The following SHISA9 variants were observed in gnomAD, a reference collection of about 807,000 sequenced individuals.
SHISA9 encodes shisa family member 9.
A neutral mutation model predicts 38.0 loss-of-function variants in SHISA9; 13 were observed. That is an observed-to-expected ratio of 0.34 (90% CI 0.22 to 0.54). SHISA9 has a LOEUF of 0.54. Among genes scored for constraint, SHISA9 ranks in the 20% least tolerant of loss-of-function variants. The pLI, the probability that SHISA9 is intolerant of heterozygous loss-of-function variation, is 0.91. For missense variants in SHISA9, 538 were observed against 575.8 expected (o/e 0.93, Z 0.67); for synonymous variants, 275 against 242.0 (o/e 1.14, Z -1.27).
intron 2 of SHISA9, among the ~76,000 whole-genome samples, chr16:13,031,602 C>T (rs2141877683): frequency 6.6e-6 from 1 of 151,918 alleles, no homozygotes; most frequent in Non-Finnish European, 1.5e-5. Flanking sequence ...GTATGAAAAG[C>T]ATGTGAGCAC....
the SHISA9 span, among the ~76,000 whole-genome samples, chr16:13,562,291 C>G: frequency 1.3e-5 from 2 of 152,104 alleles, no homozygotes; most frequent in Non-Finnish European, 2.9e-5. Flanking sequence ...GATACAGTGG[C>G]CTGATTTAGT....
At chr16:13,098,348 C>G (rs371104663) in intron 2 of SHISA9, among the ~76,000 whole-genome samples, 2 of 152,190 alleles carry the variant, frequency 1.3e-5, no homozygotes, top group African/African-American at 4.8e-5. Flanking sequence ...TAAATGCCAG[C>G]TCTTACAGTT....
intron 2 of SHISA9, among the ~76,000 whole-genome samples, chr16:13,120,332 T>A (rs145427512): frequency 4.5e-4 from 69 of 152,144 alleles, no homozygotes; most frequent in African/African-American, 1.6e-3. Flanking sequence ...AAGGACCTGT[T>A]ACCAGGGGAC....
At chr16:12,960,385 A>C (rs2071893002) in intron 2 of SHISA9, among the ~76,000 whole-genome samples, 1 of 152,286 alleles carries the variant, frequency 6.6e-6, no homozygotes, top group Non-Finnish European at 1.5e-5. Flanking sequence ...AGAACTGGAA[A>C]TACCATTTGA....
At chr16:13,469,316 G>GAAAGAAAGAAAGAAAGAAAGAAAGAA in the SHISA9 span, among the ~76,000 whole-genome samples, 69 of 53,612 alleles carry the variant, frequency 1.3e-3, 2 homozygotes, top group Admixed American at 2.8e-3. Context: ...GAGAGAGAGA[G>GAAAGAAAGAAAGAAAGAAAGAAAGAA]AGAGAGAAAG....
chr16:13,223,868 A>T (rs1285727981), intron 4 of SHISA9, among the ~76,000 whole-genome samples: 1 of 152,206 alleles, frequency 6.6e-6, no homozygotes, highest in Non-Finnish European at 1.5e-5. Context: ...GGCAATGTAG[A>T]ATGCCTACAT....
At chr16:13,303,758 C>CA in the SHISA9 span, among the ~76,000 whole-genome samples, 1 of 151,966 alleles carries the variant, frequency 6.6e-6, no homozygotes, top group East Asian at 1.9e-4. Context: ...TGCATTTTAC[C>CA]AAATTTTTAA....
chr16:13,173,462 T>C (rs1268326580), intron 2 of SHISA9, among the ~76,000 whole-genome samples: 2 of 66,174 alleles, frequency 3.0e-5, no homozygotes, highest in African/African-American at 1.5e-4. Flanking sequence ...TTCCAGGACC[T>C]GTGCTGATAA....
At chr16:13,292,506 T>G in the SHISA9 span, among the ~76,000 whole-genome samples, 1 of 152,186 alleles carries the variant, frequency 6.6e-6, no homozygotes, top group Non-Finnish European at 1.5e-5. Flanking sequence ...ATTTTTGTTT[T>G]TCATCTTTTC....
At chr16:13,466,194 A>C in the SHISA9 span, among the ~76,000 whole-genome samples, 1 of 152,252 alleles carries the variant, frequency 6.6e-6, no homozygotes, top group Non-Finnish European at 1.5e-5. Flanking sequence ...CAATGATCCC[A>C]TTGAACTGGG....
At chr16:13,357,855 A>T in the SHISA9 span, among the ~76,000 whole-genome samples, 1 of 152,056 alleles carries the variant, frequency 6.6e-6, no homozygotes, top group South Asian at 2.1e-4. Flanking sequence ...ATGAGCCAGG[A>T]AAAGGACTTT....
chr16:13,418,689 C>T, the SHISA9 span, among the ~76,000 whole-genome samples: 347 of 152,268 alleles, frequency 2.3e-3, 2 homozygotes, highest in African/African-American at 8.2e-3. Context: ...GGCAAAGCAG[C>T]AAAGAGATGG....
intron 2 of SHISA9, among the ~76,000 whole-genome samples, chr16:13,053,501 A>C (rs185089280): frequency 6.6e-6 from 1 of 152,276 alleles, no homozygotes; most frequent in East Asian, 1.9e-4. Flanking sequence ...AAATAATGCA[A>C]ATCAGATTAT....
the SHISA9 span, among the ~76,000 whole-genome samples, chr16:13,488,720 A>G: frequency 2.6e-5 from 4 of 152,318 alleles, no homozygotes; most frequent in Non-Finnish European, 4.4e-5. Context: ...CAATGATCCA[A>G]TCACCTAACA....
chr16:13,322,249 C>T, the SHISA9 span, among the ~76,000 whole-genome samples: 1 of 152,176 alleles, frequency 6.6e-6, no homozygotes, highest in African/African-American at 2.4e-5. Flanking sequence ...CTAGAGTGAT[C>T]TAATAGGAAA....
At position 13,037,299 on chromosome 16, in the gene SHISA9, A is replaced by G. The variant is rs777949226; in HGVS notation, c.691+120484A>G. Among the ~76,000 whole-genome samples the G allele has an allele frequency of 2.3e-4, 35 of 151,726 alleles. 1 individual carries two copies. Among genetic ancestry groups the G allele is most frequent in the Middle Eastern group, 3.4e-3 (1 of 292 alleles). Reference sequence around the variant, plus strand: ...CAATGTGTGGAAGAATTACAGGTACATTTTCCCAAGCCTCTGGCAGATTAT... The same window carrying G: ...CAATGTGTGGAAGAATTACAGGTACGTTTTCCCAAGCCTCTGGCAGATTAT... On this transcript the variant is annotated intron_variant, in intron 2 of 4. Transcript: ENST00000558583.
chr16:13,015,976 C>T (rs971496845), intron 2 of SHISA9, among the ~76,000 whole-genome samples: 1 of 51,312 alleles, frequency 1.9e-5, no homozygotes, highest in African/African-American at 6.5e-5. Context: ...CTTCCCTTCC[C>T]TTCCCTTCCC....
chr16:13,469,320 G>GAGAAAGAAAGAAAGAAAA, the SHISA9 span, among the ~76,000 whole-genome samples: 1 of 61,616 alleles, frequency 1.6e-5, no homozygotes, highest in African/African-American at 7.8e-5. Flanking sequence ...GAGAGAGAGA[G>GAGAAAGAAAGAAAGAAAA]AGAAAGAAAG....
intron 1 of SHISA9, chr16:12,911,156 T>C (rs1369729302): frequency 2.9e-6 from 2 of 678,688 alleles, no homozygotes; most frequent in African/African-American, 3.9e-5. Flanking sequence ...CCAGCAGCAT[T>C]TTTATCTTCT....
Sources: gnomAD v4.1 joint callset for allele counts (sites outside exome capture counted in the v4.1 genomes callset) on GRCh38, gnomAD v4.1.1 for gene constraint, MANE v1.5 for transcripts, NCBI Gene and HGNC (gene_info 2026-07-23, HGNC 2026-07-21) for gene names.